Variants in TMEM182 observed in about 807,000 individuals in gnomAD.
The protein encoded by TMEM182 is transmembrane protein 182.
TMEM182 carries 20 observed loss-of-function variants against 26.8 expected under a neutral mutation model. The ratio of observed to expected loss-of-function variants is 0.75; its 90% CI spans 0.53 to 1.09. The LOEUF is 1.09. TMEM182 is among the 50% of genes least tolerant of loss of function. The pLI is 0.00. For synonymous variants in TMEM182, 109 were observed against 102.2 expected (o/e 1.07, Z -0.40); for missense variants, 277 against 275.5 (o/e 1.01, Z -0.04).
intron 3 of TMEM182, among the ~76,000 whole-genome samples, chr2:102,791,485 A>G (rs961335469): frequency 3.0e-4 from 46 of 152,296 alleles, no homozygotes; most frequent in African/African-American, 9.6e-4. Context: ...AATTCTCCAG[A>G]ACTATTTATA....
In TMEM182 at chr2:102,740,753, G is replaced by A. The variant is rs140633332; in HGVS notation, c.-83+3740G>A. ...ATAGGAGAACATATATGTAAACAAG[G>A]TGTTGTACACAGATATCCATACAAG... On this transcript the variant is annotated intron_variant, in intron 1 of 5. Coordinates refer to the TMEM182 transcript ENST00000409173. Among the ~76,000 whole-genome samples, 1,349 of 152,250 alleles carry A rather than the reference G, an allele frequency of 8.9e-3. 9 individuals are homozygous for A. Among genetic ancestry groups the A allele is most frequent in the Non-Finnish European group, 0.016 (1,105 of 68,020 alleles).
intron 2 of TMEM182, among the ~76,000 whole-genome samples, chr2:102,763,470 TG>T (rs1243667088): frequency 1.3e-5 from 2 of 152,172 alleles, no homozygotes; most frequent in African/African-American, 4.8e-5. Flanking sequence ...AATCAAAGTA[TG>T]GTATTTACAT....
At chr2:102,824,706 T>C (rs1191321119) in intron 3 of TMEM182, among the ~76,000 whole-genome samples, 1 of 152,150 alleles carries the variant, frequency 6.6e-6, no homozygotes, top group African/African-American at 2.4e-5. Context: ...TGTGCATTTG[T>C]AGTCCAGCTA....
At chr2:102,772,196 A>G (rs1442503241) in intron 3 of TMEM182, among the ~76,000 whole-genome samples, 1 of 152,100 alleles carries the variant, frequency 6.6e-6, no homozygotes, top group Non-Finnish European at 1.5e-5. Context: ...TCTGCCTGAA[A>G]CTTTGGACCT....
At chr2:102,797,780 A>G (rs1681929930) in intron 3 of TMEM182, 83 bp from the exon 4 acceptor site, 1 of 1,499,980 alleles carries the variant, frequency 6.7e-7, no homozygotes, top group East Asian at 2.3e-5. Flanking sequence ...ATGAAGATGA[A>G]AGCAACTGAC....
intron 4 of TMEM182, among the ~76,000 whole-genome samples, chr2:102,813,646 G>A (rs949615215): frequency 2.6e-5 from 4 of 152,218 alleles, no homozygotes; most frequent in Admixed American, 6.5e-5. Flanking sequence ...GCTGCTCAGC[G>A]TAGTGGCATT....
upstream of TMEM182, chr2:102,757,594 G>A (rs889473606): frequency 3.3e-5 from 5 of 152,096 alleles, no homozygotes; most frequent in Non-Finnish European, 7.3e-5. Flanking sequence ...ATGCATATTA[G>A]CTACTATTAG....
At chr2:102,781,647 A>G (rs1337845597) in intron 3 of TMEM182, among the ~76,000 whole-genome samples, 1 of 152,168 alleles carries the variant, frequency 6.6e-6, no homozygotes, top group Non-Finnish European at 1.5e-5. Flanking sequence ...CTTGGGAGGC[A>G]GGAATCATGA....
intron 3 of TMEM182, among the ~76,000 whole-genome samples, chr2:102,837,460 CT>C: frequency 6.8e-6 from 1 of 147,738 alleles, no homozygotes; most frequent in Middle Eastern, 3.5e-3. Flanking sequence ...AATATGGGAA[CT>C]CTTGAAACTG....
intron 3 of TMEM182, among the ~76,000 whole-genome samples, chr2:102,842,431 T>C (rs1683371364): frequency 6.6e-6 from 1 of 152,212 alleles, no homozygotes; most frequent in Non-Finnish European, 1.5e-5. Flanking sequence ...CTCACACAGC[T>C]GCTTATCAGG....
rs772054500 is a variant in TMEM182, at chr2:102,797,952, G to A, written c.421G>A (p.Ala141Thr). The A allele has an allele frequency of 2.4e-5, 39 of 1,612,974 alleles. No homozygotes were observed. Among genetic ancestry groups the A allele is most frequent in the Admixed American group, 8.3e-5 (5 of 59,972 alleles). Residue 141 changes from alanine to threonine, a missense_variant, in exon 4 of 5, where the codon GCC (alanine) becomes ACC (threonine). Ala to Thr is a moderately conservative substitution (Grantham distance 58). Transcript: ENST00000412401. Reference protein sequence around the residue: ...SFLIICAAPFASHFLYKAGGG... With the variant: ...SFLIICAAPFTSHFLYKAGGG... Reference sequence around the variant, plus strand: ...TTTGATCATCTGTGCAGCCCCCTTCGCCAGCCATTTTCTCTACAAAGCTGG... The same window carrying A: ...TTTGATCATCTGTGCAGCCCCCTTCACCAGCCATTTTCTCTACAAAGCTGG...
intron 3 of TMEM182, among the ~76,000 whole-genome samples, chr2:102,783,215 G>T (rs765990431): frequency 2.0e-5 from 3 of 152,210 alleles, no homozygotes; most frequent in Admixed American, 6.5e-5. Flanking sequence ...ACCATATACA[G>T]AGTAGCTATG....
chr2:102,772,819 A>G (rs539937608), intron 3 of TMEM182, among the ~76,000 whole-genome samples: 3 of 152,332 alleles, frequency 2.0e-5, no homozygotes, highest in South Asian at 4.1e-4. Flanking sequence ...GTTGGTATTC[A>G]ATAAATGTCA....
chr2:102,837,937 C>A (rs1256182974), intron 3 of TMEM182, among the ~76,000 whole-genome samples: 1 of 152,066 alleles, frequency 6.6e-6, no homozygotes, highest in African/African-American at 2.4e-5. Context: ...AACACAGGGC[C>A]CCTTGTTGAA....
chr2:102,802,997 T>C (rs1428666576), intron 4 of TMEM182, among the ~76,000 whole-genome samples: 1 of 152,234 alleles, frequency 6.6e-6, no homozygotes, highest in African/African-American at 2.4e-5. Context: ...AACCTTGGAC[T>C]AAGTCCCTTG....
chr2:102,748,934 G>A (rs760908417), intron 1 of TMEM182, among the ~76,000 whole-genome samples: 7 of 152,220 alleles, frequency 4.6e-5, no homozygotes, highest in South Asian at 2.1e-4. Context: ...ATTTCAAGAC[G>A]TCTGCAAGTT....
chr2:102,789,692 C>A (rs983387835), intron 3 of TMEM182, among the ~76,000 whole-genome samples: 2 of 152,192 alleles, frequency 1.3e-5, no homozygotes, highest in Admixed American at 6.5e-5. Flanking sequence ...TGTATACTTA[C>A]AACAGGGATA....
chr2:102,750,289 C>G (rs1396358626), intron 1 of TMEM182, among the ~76,000 whole-genome samples: 4 of 152,098 alleles, frequency 2.6e-5, no homozygotes, highest in African/African-American at 7.2e-5. Flanking sequence ...AGAAGTTTTG[C>G]TAGACCTTCC....
chr2:102,814,620 G>T (rs1001738712), intron 4 of TMEM182, 128 bp from the exon 5 acceptor site: 3 of 757,064 alleles, frequency 4.0e-6, no homozygotes, highest in Admixed American at 2.9e-5. Context: ...AAGGTCTGAC[G>T]TAGAGTATTT....
Sources: allele counts gnomAD v4.1 joint callset (sites outside exome capture counted in the v4.1 genomes callset), GRCh38; gene constraint gnomAD v4.1.1; transcripts MANE v1.5; gene names NCBI Gene and HGNC (gene_info 2026-07-23, HGNC 2026-07-21).